Variants in CLCF1 observed in about 807,000 individuals in gnomAD.
The protein encoded by CLCF1 is cardiotrophin-like cytokine factor 1.
CLCF1 carries 10 observed loss-of-function variants against 21.2 expected under a neutral mutation model. The observed-to-expected ratio is 0.47, with a 90% CI of 0.29 to 0.80. The LOEUF is 0.80. CLCF1 is among the 30% of genes least tolerant of loss of function. The pLI is 0.09. For synonymous variants in CLCF1, 115 were observed against 120.5 expected, an observed-to-expected ratio of 0.95 and a Z score of 0.30; for missense variants, 240 against 293.4, an observed-to-expected ratio of 0.82 and a Z score of 1.33.
At position 67,365,041 on chromosome 11, in the gene CLCF1, C is replaced by G; in HGVS notation, c.*95G>C. ...GGAAAGGGCCAGAGGCTCACAGCTT[C>G]TGTCTCCTGGCTCAACAGGTGTTGG... On this transcript the variant is annotated 3_prime_UTR_variant, in exon 3 of 3. Transcript: ENST00000312438. The surrounding 1 kb of genome is among the most constrained non-coding windows in gnomAD (Gnocchi z 5.0). 2.5e-6 allele frequency: 4 copies of G among 1,593,998 alleles called. No homozygotes were observed. Among genetic ancestry groups the G allele is most frequent in the East Asian group, 2.2e-5 (1 of 44,780 alleles).
chr11:67,367,331 A>T, intron 2 of CLCF1, 129 bp downstream of exon 2: 1 of 1,413,230 alleles, frequency 7.1e-7, no homozygotes, highest in Non-Finnish European at 9.9e-7. Context: ...TAGACCAGAC[A>T]GGGGGACTGG....
chr11:67,369,751 C>T (rs558129234), intron 1 of CLCF1: 171 of 985,426 alleles, frequency 1.7e-4, no homozygotes, highest in Non-Finnish European at 1.9e-4. Context: ...ACATGCTGGC[C>T]GGAGTTCTAG....
intron 1 of CLCF1, chr11:67,370,023 G>A (rs1300351227): frequency 2.0e-6 from 2 of 985,310 alleles, no homozygotes; most frequent in East Asian, 1.1e-4. Context: ...CGGGTGGGGG[G>A]CAGGGGAGAA....
rs926257380 is a variant in CLCF1, at chr11:67,366,331, AAGAG to A, written c.184-705_184-702del. Reference sequence around the variant, plus strand: ...AGCAAAGGTTTTCTGCACAAGGAACAAGAGAGAGATGAGAGTGGCCCATTGGAAC... The same window carrying A: ...AGCAAAGGTTTTCTGCACAAGGAACAAGAGATGAGAGTGGCCCATTGGAAC... On this transcript the variant is annotated intron_variant, in intron 2 of 2. Transcript: ENST00000312438. 1.6e-4 allele frequency among the ~76,000 whole-genome samples: 24 copies of A among 152,276 alleles called. 2 individuals are homozygous for A. In the South Asian group the frequency reaches 3.7e-3, roughly 24 times the overall value.
chr11:67,373,502 GCCT>G lies in CLCF1; in HGVS notation c.16+19_16+21del. 7.8e-7 allele frequency: 1 copy of G among 1,284,426 alleles called. No individual in the cohort carries two copies. The highest frequency in any genetic ancestry group is 1.0e-6 in the Non-Finnish European group (1 of 954,004). 79.6% of individuals were successfully genotyped at this position (1,284,426 alleles called of 1,614,324 possible). ...GCTGCTTGGCGGGGCGGGGGTCGGGGCCTCGGCCGCCTGGCTCCTACCTGCTCG... is the reference window on the plus strand; with the variant it reads ...GCTGCTTGGCGGGGCGGGGGTCGGGGCGGCCGCCTGGCTCCTACCTGCTCG... On this transcript the variant is annotated intron_variant, in intron 1 of 2. Transcript: ENST00000312438.
At chr11:67,370,365 G>C in intron 1 of CLCF1, 2 of 985,166 alleles carry the variant, frequency 2.0e-6, no homozygotes, top group Non-Finnish European at 2.4e-6. Context: ...CTGGGGCTGT[G>C]TCCTAGGTCC....
chr11:67,372,164 A>G lies in CLCF1; in HGVS notation c.16+1360T>C, dbSNP rs1862249129. Among the ~76,000 whole-genome samples, 1 of 152,052 alleles carries G rather than the reference A, an allele frequency of 6.6e-6. No individual in the cohort carries two copies. Among genetic ancestry groups the G allele is most frequent in the Non-Finnish European group, 1.5e-5 (1 of 67,980 alleles). ...AGAGGTGTCCCTGGGTTAGGGTCAG[A>G]GAAGGAGGACCCAGTAGAGCAGCGT... On this transcript the variant is annotated intron_variant, in intron 1 of 2. Transcript: ENST00000312438. This position sits in a 1 kb window ranked among gnomAD's most constrained non-coding sequence, Gnocchi z 5.9.
At chr11:67,373,754 A>G, upstream of CLCF1, 6 of 953,678 alleles carry the variant, frequency 6.3e-6, no homozygotes, top group Non-Finnish European at 6.3e-6. Context: ...GTAACCACAA[A>G]TTGTAGCGGC....
chr11:67,365,077 T>C lies in CLCF1; in HGVS notation c.*59A>G, dbSNP rs769623807. 2.6e-5 allele frequency: 42 copies of C among 1,609,430 alleles called. No homozygotes were observed. Among genetic ancestry groups the C allele is most frequent in the Admixed American group, 1.3e-4 (8 of 59,994 alleles). On this transcript the variant is annotated 3_prime_UTR_variant, in exon 3 of 3. Coordinates refer to ENST00000312438, the MANE Select transcript of CLCF1 (RefSeq NM_013246.3). The surrounding 1 kb of genome is among the most constrained non-coding windows in gnomAD (Gnocchi z 5.0). The stretch of plus-strand genomic sequence containing the variant: ...CTCAACAGGTGTTGGCATACAGGGC[T>C]GGCTCTCACAAAGTGGGAGCAGGGT...
chr11:67,370,960 G>C, intron 1 of CLCF1: 1 of 985,450 alleles, frequency 1.0e-6, no homozygotes, highest in Non-Finnish European at 1.2e-6. Context: ...GGCTGAATAT[G>C]GGAGCCAGGA....
intron 1 of CLCF1, chr11:67,371,055 AGAGTGGGTGAGGAGTGGGCTAGGGATG>A (rs1862222693): frequency 3.0e-6 from 3 of 985,122 alleles, no homozygotes; most frequent in South Asian, 4.7e-5. Flanking sequence ...TTAGGCGGGC[AGAGTGGGTGAGGAGTGGGCTAGGGATG>A]GAGTGGGTGA....
At position 67,364,576 on chromosome 11, in the gene CLCF1, C is replaced by G. The variant is rs1021727021; in HGVS notation, c.*560G>C. ...CCCTGTGCTTTCAGTATTTTCTCTTCTGGTTTATAGGGCACCTCCAATGCA... is the reference window on the plus strand; with the variant it reads ...CCCTGTGCTTTCAGTATTTTCTCTTGTGGTTTATAGGGCACCTCCAATGCA... On this transcript the variant is annotated 3_prime_UTR_variant, in exon 3 of 3. Transcript: ENST00000312438. 1 of 156,288 alleles carries G rather than the reference C, an allele frequency of 6.4e-6. No homozygotes were observed. Among genetic ancestry groups the G allele is most frequent in the East Asian group, 1.9e-4 (1 of 5,290 alleles). The allele number at this position is 156,288 out of a possible 1,614,324, so 9.7% of individuals were successfully genotyped here.
At chr11:67,369,080 A>T in intron 1 of CLCF1, 1 of 985,212 alleles carries the variant, frequency 1.0e-6, no homozygotes, top group Non-Finnish European at 1.2e-6. Flanking sequence ...GATTCAAGAA[A>T]GAATGAAGAC....
chr11:67,368,814 C>CT, intron 1 of CLCF1: 1 of 984,366 alleles, frequency 1.0e-6, no homozygotes, highest in South Asian at 4.7e-5. Flanking sequence ...AGATGGGGCG[C>CT]TGCTTGTCAT....
intron 1 of CLCF1, chr11:67,370,356 T>C (rs551683095): frequency 1.0e-6 from 1 of 985,190 alleles, no homozygotes; most frequent in African/African-American, 1.7e-5. Flanking sequence ...CCCCGGCCAC[T>C]GGGGCTGTGT....
At chr11:67,366,439 G>A (rs543587383) in intron 2 of CLCF1, among the ~76,000 whole-genome samples, 23 of 152,298 alleles carry the variant, frequency 1.5e-4, no homozygotes, top group African/African-American at 3.4e-4. Context: ...CTAACACTCC[G>A]AAAGAAGGGT....
rs998958090 is a variant in CLCF1 at position 67,365,070 on chromosome 11, A to G, written c.*66T>C. ...CTCCTGGCTCAACAGGTGTTGGCAT[A>G]CAGGGCTGGCTCTCACAAAGTGGGA... On this transcript the variant is annotated 3_prime_UTR_variant, in exon 3 of 3. Coordinates refer to ENST00000312438, the MANE Select transcript of CLCF1 (RefSeq NM_013246.3). The surrounding 1 kb of genome is among the most constrained non-coding windows in gnomAD (Gnocchi z 5.0). 2.4e-5 allele frequency: 39 copies of G among 1,607,948 alleles called. 1 individual carries two copies. The highest frequency in any genetic ancestry group is 1.3e-4 in the South Asian group (12 of 90,544).
chr11:67,369,088 G>C (rs1447373949), intron 1 of CLCF1: 2 of 984,948 alleles, frequency 2.0e-6, no homozygotes, highest in Non-Finnish European at 2.4e-6. Context: ...AAAGAATGAA[G>C]ACTAGGTTAG....
chr11:67,366,072 A>G (rs1862090729), intron 2 of CLCF1, among the ~76,000 whole-genome samples: 1 of 152,208 alleles, frequency 6.6e-6, no homozygotes, highest in South Asian at 2.1e-4. Context: ...GTGTGGCTGC[A>G]AAACAGACAG....
Sources: allele counts gnomAD v4.1 joint callset (sites outside exome capture counted in the v4.1 genomes callset), GRCh38; gene constraint gnomAD v4.1.1; non-coding constraint Gnocchi (gnomAD v3.1); transcripts MANE v1.5; gene names NCBI Gene and HGNC (gene_info 2026-07-23, HGNC 2026-07-21).